HAGH: variants seen among roughly 807,000 people sequenced by gnomAD.
HAGH encodes hydroxyacylglutathione hydrolase.
HAGH carries 29 observed loss-of-function variants against 35.1 expected under a neutral mutation model. That is an observed-to-expected ratio of 0.83 (90% CI 0.62 to 1.13). The LOEUF (loss-of-function observed/expected upper bound fraction) is 1.13, where lower values mean the gene tolerates loss of function less well. HAGH is among the 50% of genes most tolerant of loss of function. The probability of loss-of-function intolerance (pLI) is 0.00; values close to 1 mark genes in which losing one functional copy is unlikely to be tolerated. For synonymous variants in HAGH, 225 were observed against 176.1 expected (o/e 1.28, Z -2.20); for missense variants, 478 against 419.6 (o/e 1.14, Z -1.22).
At chr16:1,819,823 A>T (rs1190400616) in intron 4 of HAGH, 74 bp downstream of exon 4, 4 of 890,668 alleles carry the variant, frequency 4.5e-6, no homozygotes, top group Middle Eastern at 2.8e-4. Flanking sequence ...AGCAGAGAGA[A>T]TGCGGGGAGG....
At position 1,808,114 on chromosome 16, in the gene HAGH, TAATTA is replaced by T. The variant is rs1469358629; in HGVS notation, c.*1164_*1168del. Reference sequence around the variant, plus strand: ...ACTAAATACCACTCAACTGCATGATTAATTAATTTCTTTGAGACAGGGTCTCCCTG... The same window carrying T: ...ACTAAATACCACTCAACTGCATGATTATTTCTTTGAGACAGGGTCTCCCTG... On this transcript the variant is annotated 3_prime_UTR_variant, in exon 9 of 9. Coordinates refer to ENST00000397356, the MANE Select transcript of HAGH (RefSeq NM_005326.6). 6.6e-6 allele frequency: 1 copy of T among 152,060 alleles called. No individual in the cohort carries two copies. The highest frequency in any genetic ancestry group is 1.5e-5 in the Non-Finnish European group (1 of 68,014). 9.4% of individuals were successfully genotyped at this position (152,060 alleles called of 1,614,324 possible). A position where few individuals can be genotyped will look rare whatever the true frequency, so the allele number is the denominator to read the frequency against.
At chr16:1,825,183 T>C (rs571479458) in intron 1 of HAGH, among the ~76,000 whole-genome samples, 2 of 152,256 alleles carry the variant, frequency 1.3e-5, no homozygotes, top group African/African-American at 4.8e-5. Flanking sequence ...CTGGGCGTGG[T>C]GGCGAGCGCC....
rs1897517457 is a variant in HAGH at position 1,809,185 on chromosome 16, A to C, written c.*98T>G. ...AACACAAGCCAAGGGCTGTAAAATT[A>C]AGGTTAAATCAAGACTGAATTTCCC... On this transcript the variant is annotated 3_prime_UTR_variant, in exon 9 of 9. Transcript: ENST00000397356. 1.3e-6 allele frequency: 1 copy of C among 777,834 alleles called. No homozygotes were observed. Among genetic ancestry groups the C allele is most frequent in the Non-Finnish European group, 2.2e-6 (1 of 462,008 alleles). The allele number at this position is 777,834 out of a possible 1,614,324, so 48.2% of individuals were successfully genotyped here. A position where few individuals can be genotyped will look rare whatever the true frequency, so the allele number is the denominator to read the frequency against.
At chr16:1,819,287 C>T (rs991248476) in intron 4 of HAGH, 64 bp from the exon 5 acceptor site, 9 of 1,064,372 alleles carry the variant, frequency 8.5e-6, no homozygotes, top group South Asian at 2.9e-5. Flanking sequence ...CCCGGGGTCA[C>T]GGCGCGCCGC....
chr16:1,820,525 G>A (rs772932223), intron 3 of HAGH, among the ~76,000 whole-genome samples: 6 of 152,198 alleles, frequency 3.9e-5, no homozygotes, highest in Non-Finnish European at 8.8e-5. Flanking sequence ...TCTGGGATGA[G>A]CAGCTGGCCC....
chr16:1,816,825 G>T lies in HAGH; in HGVS notation c.747+68C>A. The T allele has an allele frequency of 5.2e-6, 5 of 966,838 alleles. No homozygotes were observed. In the East Asian group the frequency reaches 1.2e-4, roughly 23 times the overall value. 59.9% of individuals were successfully genotyped at this position (966,838 alleles called of 1,614,324 possible). ...AGTGTGAGTGTCTACCCACTCTGGC[G>T]ACCCCGCTGTGCACAGCGGCCCTGA... On this transcript the variant is annotated intron_variant, in intron 7 of 8. Transcript: ENST00000397356.
At position 1,822,867 on chromosome 16, in the gene HAGH, T is replaced by A. The variant is rs1898215445; in HGVS notation, c.247A>T (p.Lys83Ter). ...AAIVDPVQPQ[K>*]VVDAARKHGV... ...GAGCCAGGCACAGCCATGCGCACCT[T>A]CTGGGGCTGCACCGGATCCACAATG... The change falls in exon 2 of 9, where the codon AAG (lysine) becomes TAG (stop). Residue 83 changes from lysine (K) to a stop codon, truncating the protein, a stop_gained and splice_region_variant. Coordinates refer to ENST00000397356, the MANE Select transcript of HAGH (RefSeq NM_005326.6). LOFTEE classifies it high-confidence loss of function. The A allele has an allele frequency of 1.2e-6, 2 of 1,613,338 alleles. No individual in the cohort carries two copies. The highest frequency in any genetic ancestry group is 1.7e-6 in the Non-Finnish European group (2 of 1,179,680).
chr16:1,817,519 C>A (rs1897960982), intron 5 of HAGH, among the ~76,000 whole-genome samples: 1 of 150,544 alleles, frequency 6.6e-6, no homozygotes, highest in Admixed American at 6.6e-5. Flanking sequence ...TCCTCCCTCA[C>A]TGCCCCCAAT....
chr16:1,811,816 A>C (rs971421226), intron 7 of HAGH, among the ~76,000 whole-genome samples: 26 of 152,218 alleles, frequency 1.7e-4, no homozygotes, highest in African/African-American at 5.8e-4. Context: ...AAGGAGTTGA[A>C]AACTCTCAAC....
chr16:1,826,405 G>A (rs947333822), intron 1 of HAGH: 1 of 292,246 alleles, frequency 3.4e-6, no homozygotes, highest in Non-Finnish European at 5.1e-6. Flanking sequence ...GCTCTCCTCG[G>A]CGCCGGCCCG....
chr16:1,825,371 G>A (rs1480013227), intron 1 of HAGH, among the ~76,000 whole-genome samples: 3 of 152,172 alleles, frequency 2.0e-5, no homozygotes, highest in Non-Finnish European at 4.4e-5. Context: ...GACAACCCAG[G>A]GAGGTGCCTT....
At chr16:1,817,934 G>A (rs1897982075) in intron 5 of HAGH, among the ~76,000 whole-genome samples, 2 of 150,788 alleles carry the variant, frequency 1.3e-5, no homozygotes, top group South Asian at 4.2e-4. Flanking sequence ...CACAGTGGAG[G>A]CCGCCCCACT....
chr16:1,814,245 T>C (rs752109654), intron 7 of HAGH, among the ~76,000 whole-genome samples: 2 of 151,844 alleles, frequency 1.3e-5, no homozygotes, highest in African/African-American at 4.8e-5. Context: ...GAGCCCAAGG[T>C]GGGCAGATCA....
intron 2 of HAGH, 23 bp from the exon 3 acceptor site, chr16:1,822,387 C>A (rs1366811209): frequency 6.3e-7 from 1 of 1,584,182 alleles, no homozygotes; most frequent in Non-Finnish European, 8.6e-7. Context: ...CGGGGAAGGA[C>A]AAAGGCCTGT....
chr16:1,823,681 T>A (rs1352695225), intron 1 of HAGH, among the ~76,000 whole-genome samples: 1 of 137,998 alleles, frequency 7.2e-6, no homozygotes, highest in Non-Finnish European at 1.5e-5. Flanking sequence ...AGTTTGAGGC[T>A]GCAGTGAGCT....
rs1272926860 is a variant in HAGH, at chr16:1,808,981, ACCG to A, written c.*299_*301del. On this transcript the variant is annotated 3_prime_UTR_variant, in exon 9 of 9. Transcript: ENST00000397356. Reference sequence around the variant, plus strand: ...ACCCAGCCAAGGCCACAGCAAAGGCACCGGCTCACGCCTGACCTGAAGCGTGGG... The same window carrying A: ...ACCCAGCCAAGGCCACAGCAAAGGCAGCTCACGCCTGACCTGAAGCGTGGG... The A allele has an allele frequency of 1.1e-5, 4 of 367,934 alleles. No individual in the cohort carries two copies. The highest frequency in any genetic ancestry group is 2.1e-5 in the African/African-American group (1 of 48,712). 22.8% of individuals were successfully genotyped at this position (367,934 alleles called of 1,614,324 possible). A position where few individuals can be genotyped will look rare whatever the true frequency, so the allele number is the denominator to read the frequency against.
rs1567249668 is a variant in HAGH, at chr16:1,809,344, GGGTC to G, written c.862_865del (p.Asp288ArgfsTer2). The G allele has an allele frequency of 6.2e-7, 1 of 1,613,346 alleles. No individual in the cohort carries two copies. The highest frequency in any genetic ancestry group is 8.5e-7 in the Non-Finnish European group (1 of 1,179,892). On this transcript the variant is annotated frameshift_variant, in exon 9 of 9. Transcript: ENST00000397356. LOFTEE classifies it high-confidence loss of function. Reference sequence around the variant, plus strand: ...GCGCACGGCCCGCATGGTGGTCACCGGGTCCGTCTCACCTGCGTGCTGCTGCACC... The same window carrying G: ...GCGCACGGCCCGCATGGTGGTCACCGCGTCTCACCTGCGTGCTGCTGCACC...
At position 1,822,979 on chromosome 16, in the gene HAGH, G is replaced by A. The variant is rs760753061; in HGVS notation, c.135C>T (p.Asp45=). Residue 45 remains aspartate, a synonymous_variant, in exon 2 of 9, where the codon GAC becomes GAT. Transcript: ENST00000397356. The part of the protein sequence containing the change: ...HTDLRKNLTV[D]EGTMKVEVLP... ...GCACCTCTACCTTCATGGTGCCCTC[G>A]TCCACGGTCAGGTTCTTCCGCAAAT... 2.3e-5 allele frequency: 37 copies of A among 1,613,712 alleles called. No homozygotes were observed. The highest frequency in any genetic ancestry group is 3.3e-4 in the Middle Eastern group (2 of 6,070).
chr16:1,826,658 T>G, intron 1 of HAGH, 54 bp downstream of exon 1: 1 of 963,464 alleles, frequency 1.0e-6, no homozygotes, highest in Non-Finnish European at 1.2e-6. Context: ...CGCCGCCCGC[T>G]GCCCGCCCCG....
Sources: allele counts gnomAD v4.1 joint callset (sites outside exome capture counted in the v4.1 genomes callset), GRCh38; gene constraint gnomAD v4.1.1; transcripts MANE v1.5; gene names NCBI Gene and HGNC (gene_info 2026-07-23, HGNC 2026-07-21).